The following ERICH6B variants were observed in gnomAD, a reference collection of about 807,000 sequenced individuals.
The protein encoded by ERICH6B is glutamate-rich protein 6B.
A neutral mutation model predicts 80.0 loss-of-function variants in ERICH6B; 69 were observed. The ratio of observed to expected loss-of-function variants is 0.86; its 90% CI spans 0.71 to 1.05. The LOEUF (loss-of-function observed/expected upper bound fraction) is 1.05, where lower values mean the gene tolerates loss of function less well. Ranked by LOEUF, ERICH6B falls within the 50% of genes least tolerant of loss-of-function variation. The pLI, the probability that ERICH6B is intolerant of heterozygous loss-of-function variation, is 0.00. For missense variants in ERICH6B, 754 were observed against 796.1 expected (o/e 0.95, Z 0.64); for synonymous variants, 283 against 291.9 (o/e 0.97, Z 0.31).
chr13:45,552,632 G>C (rs1874267373), intron 11 of ERICH6B, among the ~76,000 whole-genome samples: 1 of 151,692 alleles, frequency 6.6e-6, no homozygotes, highest in South Asian at 2.1e-4. Flanking sequence ...TTCTAACCAA[G>C]TGACCCAGCT....
intron 11 of ERICH6B, among the ~76,000 whole-genome samples, chr13:45,557,813 A>C (rs1874502837): frequency 6.6e-6 from 1 of 152,140 alleles, no homozygotes; most frequent in African/African-American, 2.4e-5. Flanking sequence ...TACCAGTACC[A>C]TGCTGTTTTG....
intron 7 of ERICH6B, among the ~76,000 whole-genome samples, chr13:45,576,240 T>A (rs1018308904): frequency 5.3e-5 from 8 of 152,252 alleles, no homozygotes; most frequent in Admixed American, 3.3e-4. Flanking sequence ...AACCTTCTTC[T>A]GCAGCCTTGG....
intron 11 of ERICH6B, among the ~76,000 whole-genome samples, chr13:45,556,851 G>T (rs184816295): frequency 1.2e-3 from 183 of 152,156 alleles, no homozygotes; most frequent in Non-Finnish European, 1.6e-3. Flanking sequence ...GGGCATTTGG[G>T]TTGGTTCTAC....
At chr13:45,576,232 C>T (rs1007808242) in intron 7 of ERICH6B, among the ~76,000 whole-genome samples, 1 of 152,232 alleles carries the variant, frequency 6.6e-6, no homozygotes, top group Non-Finnish European at 1.5e-5. Flanking sequence ...TACTTGCAAA[C>T]CTTCTTCTGC....
In ERICH6B at chr13:45,600,669, C is replaced by T. The variant is rs9567558; in HGVS notation, c.-58-3606G>A. Among the ~76,000 whole-genome samples the T allele has an allele frequency of 2.0e-4, 31 of 152,226 alleles. No homozygotes were observed. In the East Asian group the frequency reaches 5.2e-3, roughly 26 times the overall value. On this transcript the variant is annotated intron_variant, in intron 2 of 14. Coordinates refer to ENST00000298738, the MANE Select transcript of ERICH6B (RefSeq NM_182542.3). ...GTCTCCAGTTCCATTCATGTTGTTG[C>T]GGAAGACACGATTTCATTCTTTTAT...
chr13:45,555,214 A>G (rs1295981795), intron 11 of ERICH6B, among the ~76,000 whole-genome samples: 2 of 152,188 alleles, frequency 1.3e-5, no homozygotes, highest in African/African-American at 4.8e-5. Flanking sequence ...TCTTTTATCT[A>G]TTAGAAGAAG....
At chr13:45,613,845 A>G (rs1949912960) in intron 1 of ERICH6B, among the ~76,000 whole-genome samples, 1 of 152,210 alleles carries the variant, frequency 6.6e-6, no homozygotes, top group Non-Finnish European at 1.5e-5. Context: ...TAGTTATACA[A>G]CACAAGTGAA....
chr13:45,604,567 T>C (rs915524735), intron 2 of ERICH6B, among the ~76,000 whole-genome samples: 3 of 152,164 alleles, frequency 2.0e-5, no homozygotes, highest in African/African-American at 7.2e-5. Context: ...CAGAAGAGTT[T>C]ACAGTCTTCA....
intron 2 of ERICH6B, among the ~76,000 whole-genome samples, chr13:45,603,333 G>A (rs1490901544): frequency 6.6e-6 from 1 of 152,154 alleles, no homozygotes; most frequent in East Asian, 1.9e-4. Context: ...CCTTAGTTCA[G>A]TCAAATTAAC....
chr13:45,605,010 T>C (rs1949849285), intron 2 of ERICH6B, among the ~76,000 whole-genome samples: 2 of 152,162 alleles, frequency 1.3e-5, no homozygotes, highest in Admixed American at 1.3e-4. Context: ...GGCCCTTTAG[T>C]CTCCACTCTC....
chr13:45,563,697 C>A lies in ERICH6B; in HGVS notation c.1249+30G>T, dbSNP rs777275147. On this transcript the variant is annotated intron_variant, in intron 10 of 14. Transcript: ENST00000298738. ...TGGGATGCAGACAGGAGAGCCAGCACGTGGTGGAAAATGGTGGAGTGGTGC... is the reference window on the plus strand; with the variant it reads ...TGGGATGCAGACAGGAGAGCCAGCAAGTGGTGGAAAATGGTGGAGTGGTGC... 7 of 1,543,010 alleles carry A rather than the reference C, an allele frequency of 4.5e-6. No individual in the cohort carries two copies. The Admixed American group carries it at 1.4e-4, about 30-fold the overall frequency.
At chr13:45,593,842 C>G (rs528419962) in intron 3 of ERICH6B, among the ~76,000 whole-genome samples, 13 of 152,338 alleles carry the variant, frequency 8.5e-5, no homozygotes, top group East Asian at 5.8e-4. Flanking sequence ...TAGTTTTCCA[C>G]TACTAACCTC....
At chr13:45,544,704 C>T in intron 14 of ERICH6B, 56 bp downstream of exon 14, 1 of 1,471,266 alleles carries the variant, frequency 6.8e-7, no homozygotes, top group Non-Finnish European at 9.3e-7. Context: ...CCAGCAGTGG[C>T]CTTTGTACAG....
At chr13:45,561,657 G>A in intron 10 of ERICH6B, 131 bp from the exon 11 acceptor site, 1 of 970,450 alleles carries the variant, frequency 1.0e-6, no homozygotes, top group Non-Finnish European at 1.5e-6. Context: ...TCCCCAGTGA[G>A]GAAGGCTGTC....
chr13:45,607,879 C>A (rs1171970842), intron 1 of ERICH6B, among the ~76,000 whole-genome samples: 2 of 152,128 alleles, frequency 1.3e-5, no homozygotes, highest in African/African-American at 4.8e-5. Context: ...AATCTGTGCG[C>A]CAAGGCTCCC....
chr13:45,584,234 T>A (rs766712410), intron 5 of ERICH6B, among the ~76,000 whole-genome samples: 27 of 152,370 alleles, frequency 1.8e-4, no homozygotes, highest in Non-Finnish European at 3.4e-4. Context: ...TGTGCCTGGA[T>A]AGACACATGA....
At chr13:45,542,921 T>C (rs1873840680) in intron 14 of ERICH6B, among the ~76,000 whole-genome samples, 1 of 152,218 alleles carries the variant, frequency 6.6e-6, no homozygotes, top group South Asian at 2.1e-4. Context: ...CCGACGTGTC[T>C]GGCCACCCTA....
intron 8 of ERICH6B, among the ~76,000 whole-genome samples, chr13:45,571,066 G>A (rs1395428904): frequency 6.6e-6 from 1 of 152,186 alleles, no homozygotes; most frequent in Non-Finnish European, 1.5e-5. Context: ...GAGACGTGCT[G>A]CTTTGCCAAG....
intron 2 of ERICH6B, among the ~76,000 whole-genome samples, chr13:45,605,686 C>G (rs1010467310): frequency 6.6e-6 from 1 of 152,154 alleles, no homozygotes; most frequent in African/African-American, 2.4e-5. Context: ...AGGGGTCTCC[C>G]CCTGCACACT....
Sources: gnomAD v4.1 joint callset for allele counts (sites outside exome capture counted in the v4.1 genomes callset) on GRCh38, gnomAD v4.1.1 for gene constraint, MANE v1.5 for transcripts, NCBI Gene and HGNC (gene_info 2026-07-23, HGNC 2026-07-21) for gene names.